The following KLF12 variants were observed in gnomAD, a reference collection of about 807,000 sequenced individuals.
KLF12 encodes the protein Krueppel-like factor 12.
In KLF12, 9 loss-of-function variants were observed where a neutral mutation model predicts 37.8. The ratio of observed to expected loss-of-function variants is 0.24; its 90% CI spans 0.14 to 0.42. KLF12 has a LOEUF of 0.42. KLF12 is among the 10% of genes least tolerant of loss of function. KLF12 has a pLI of 1.00. For synonymous variants in KLF12, 208 were observed against 202.1 expected (o/e 1.03, Z -0.25); for missense variants, 411 against 516.0 (o/e 0.80, Z 1.97).
chr13:73,855,642 C>T (rs924201023), intron 3 of KLF12, among the ~76,000 whole-genome samples: 1 of 152,094 alleles, frequency 6.6e-6, no homozygotes, highest in Admixed American at 6.5e-5. Context: ...AATGGTAGTC[C>T]AGCTCTTACT....
intron 1 of KLF12, among the ~76,000 whole-genome samples, chr13:74,044,588 T>A (rs865969269): frequency 1.9e-4 from 29 of 152,090 alleles, no homozygotes; most frequent in African/African-American, 6.5e-4. Context: ...GGCTCACGTC[T>A]GTAATCCCAG....
At chr13:74,220,760 T>C in the KLF12 span, among the ~76,000 whole-genome samples, 2 of 152,328 alleles carry the variant, frequency 1.3e-5, no homozygotes, top group Admixed American at 1.3e-4. Flanking sequence ...TATAAGATCA[T>C]GAGGTATTTG....
rs569498788 is a variant in KLF12 at position 73,989,546 on chromosome 13, C to T, written c.33+5444G>A. Among the ~76,000 whole-genome samples the T allele has an allele frequency of 2.6e-5, 4 of 152,230 alleles. No individual in the cohort carries two copies. In the East Asian group the frequency reaches 7.7e-4, roughly 29 times the overall value. On this transcript the variant is annotated intron_variant, in intron 2 of 7. Transcript: ENST00000377669. The stretch of plus-strand genomic sequence containing the variant: ...TGGCAGAAGGAAGGAAGACAGGAGC[C>T]CTTCACTTAAGGGGCACTGCTGTCC...
chr13:73,870,538 T>C (rs1886411317), intron 3 of KLF12, among the ~76,000 whole-genome samples: 2 of 152,220 alleles, frequency 1.3e-5, no homozygotes, highest in Non-Finnish European at 2.9e-5. Context: ...GCCAGACGGA[T>C]GTGCATGTGT....
intron 1 of KLF12, among the ~76,000 whole-genome samples, chr13:74,063,600 T>C (rs1306510855): frequency 6.6e-6 from 1 of 152,180 alleles, no homozygotes; most frequent in Admixed American, 6.5e-5. Context: ...AAAGTAAAAA[T>C]TAACTACCAC....
At chr13:73,831,916 A>G (rs1884182996) in intron 4 of KLF12, among the ~76,000 whole-genome samples, 1 of 152,244 alleles carries the variant, frequency 6.6e-6, no homozygotes, top group Admixed American at 6.5e-5. Flanking sequence ...GGGGAACCCA[A>G]GTTATAAAAA....
chr13:73,851,825 T>C (rs994659296), intron 3 of KLF12, among the ~76,000 whole-genome samples: 4 of 152,188 alleles, frequency 2.6e-5, no homozygotes, highest in African/African-American at 9.7e-5. Context: ...TGACTCCACA[T>C]CCTTGGAGCT....
At chr13:73,942,479 A>G (rs1890232622) in intron 3 of KLF12, among the ~76,000 whole-genome samples, 2 of 152,314 alleles carry the variant, frequency 1.3e-5, no homozygotes, top group South Asian at 4.1e-4. Context: ...AGAACTCTAA[A>G]GAACTAAGAC....
chr13:74,162,257 C>G, the KLF12 span, among the ~76,000 whole-genome samples: 32 of 152,346 alleles, frequency 2.1e-4, no homozygotes, highest in Non-Finnish European at 3.8e-4. Flanking sequence ...TTCTCATTCT[C>G]CCTGTTCTTT....
intron 1 of KLF12, among the ~76,000 whole-genome samples, chr13:74,069,817 A>G (rs990286365): frequency 1.3e-5 from 2 of 152,204 alleles, no homozygotes; most frequent in South Asian, 4.1e-4. Context: ...ATACTGACTT[A>G]AAAATGGTTC....
At chr13:74,104,649 A>G (rs939463508) in intron 1 of KLF12, among the ~76,000 whole-genome samples, 1 of 152,228 alleles carries the variant, frequency 6.6e-6, no homozygotes, top group Non-Finnish European at 1.5e-5. Flanking sequence ...ATAATGTTCT[A>G]TCAAGAAAAC....
intron 1 of KLF12, among the ~76,000 whole-genome samples, chr13:74,003,751 A>G (rs750227904): frequency 1.4e-4 from 22 of 152,326 alleles, no homozygotes; most frequent in Non-Finnish European, 2.5e-4. Context: ...CTGCACATGT[A>G]CACATACACA....
the KLF12 span, among the ~76,000 whole-genome samples, chr13:74,192,811 A>G: frequency 2.0e-5 from 3 of 152,180 alleles, no homozygotes; most frequent in African/African-American, 4.8e-5. Flanking sequence ...CTTAGAATGC[A>G]CAGATTTTCC....
At chr13:74,133,021 A>G (rs931733294) in intron 1 of KLF12, among the ~76,000 whole-genome samples, 1 of 152,174 alleles carries the variant, frequency 6.6e-6, no homozygotes, top group Non-Finnish European at 1.5e-5. Context: ...GTGGACGTAC[A>G]AAGTTGCCCC....
At chr13:73,915,436 C>A (rs1888773566) in intron 3 of KLF12, among the ~76,000 whole-genome samples, 1 of 152,138 alleles carries the variant, frequency 6.6e-6, no homozygotes, top group African/African-American at 2.4e-5. Flanking sequence ...TGCCTGCCTG[C>A]CTGAGCCCCA....
chr13:74,206,437 C>T, the KLF12 span, among the ~76,000 whole-genome samples: 3 of 152,282 alleles, frequency 2.0e-5, no homozygotes, highest in East Asian at 5.8e-4. Flanking sequence ...GGCTTCCATT[C>T]CCTGCATTCC....
intron 1 of KLF12, among the ~76,000 whole-genome samples, chr13:74,081,711 CAT>C (rs1001671789): frequency 3.3e-5 from 5 of 152,166 alleles, no homozygotes; most frequent in Admixed American, 3.3e-4. Flanking sequence ...AGCAGAAACA[CAT>C]ATATATCTTT....
intron 3 of KLF12, among the ~76,000 whole-genome samples, chr13:73,895,356 C>T (rs1259080953): frequency 6.6e-6 from 1 of 152,178 alleles, no homozygotes; most frequent in East Asian, 1.9e-4. Context: ...CAATGGTGTG[C>T]TTTAGTCTCT....
At chr13:73,739,446 A>C (rs1877791890) in intron 6 of KLF12, among the ~76,000 whole-genome samples, 2 of 152,084 alleles carry the variant, frequency 1.3e-5, no homozygotes, top group Admixed American at 1.3e-4. Flanking sequence ...CCTCAAGGGA[A>C]ATTGCAAAAG....
Sources: allele counts gnomAD v4.1 joint callset (sites outside exome capture counted in the v4.1 genomes callset), GRCh38; gene constraint gnomAD v4.1.1; transcripts MANE v1.5; gene names NCBI Gene and HGNC (gene_info 2026-07-23, HGNC 2026-07-21).